PKNOX2: variants seen among roughly 807,000 people sequenced by gnomAD.
The protein encoded by PKNOX2 is PBX/knotted 1 homeobox 2, also known as homeobox protein PKNOX2.
Under a neutral mutation model 53.1 loss-of-function variants are expected in PKNOX2, and 14 were observed. The observed-to-expected ratio is 0.26, with a 90% CI of 0.17 to 0.41. PKNOX2 has a LOEUF of 0.41. PKNOX2 is among the 10% of genes least tolerant of loss of function. The pLI, the probability that PKNOX2 is intolerant of heterozygous loss-of-function variation, is 1.00. For missense variants in PKNOX2, 496 were observed against 602.8 expected, an observed-to-expected ratio of 0.82 and a Z score of 1.85; for synonymous variants, 257 against 242.8, an observed-to-expected ratio of 1.06 and a Z score of -0.54.
chr11:125,251,497 G>A (rs1204321834), intron 2 of PKNOX2, among the ~76,000 whole-genome samples: 1 of 152,130 alleles, frequency 6.6e-6, no homozygotes, highest in Non-Finnish European at 1.5e-5. Context: ...CGACAAAGAT[G>A]TCTGTGGGGT....
chr11:125,180,186 T>C (rs1477355448), intron 1 of PKNOX2, among the ~76,000 whole-genome samples: 1 of 152,196 alleles, frequency 6.6e-6, no homozygotes, highest in Admixed American at 6.5e-5. Context: ...CCCTCCAATA[T>C]CATCATCTCA....
chr11:125,328,673 C>A (rs933719774), intron 2 of PKNOX2, among the ~76,000 whole-genome samples: 1 of 152,174 alleles, frequency 6.6e-6, no homozygotes, highest in East Asian at 1.9e-4. Flanking sequence ...TCCGGGAGTG[C>A]AACATTAATT....
intron 2 of PKNOX2, among the ~76,000 whole-genome samples, chr11:125,308,734 C>T (rs1040578920): frequency 2.6e-5 from 4 of 152,146 alleles, no homozygotes; most frequent in African/African-American, 9.7e-5. Flanking sequence ...TTTCTTGTCT[C>T]CTAACAACTC....
chr11:125,177,302 C>A (rs1036453321), intron 1 of PKNOX2, among the ~76,000 whole-genome samples: 1 of 149,198 alleles, frequency 6.7e-6, no homozygotes, highest in Admixed American at 6.7e-5. Flanking sequence ...CGAGGAGAGG[C>A]AGCGGGGGAG....
chr11:125,395,379 C>A (rs926838378), intron 6 of PKNOX2, among the ~76,000 whole-genome samples: 2 of 152,190 alleles, frequency 1.3e-5, no homozygotes, highest in Non-Finnish European at 2.9e-5. Flanking sequence ...CTGCTTTGAA[C>A]AATTTGTATA....
chr11:125,195,513 T>G (rs186380016), intron 1 of PKNOX2, among the ~76,000 whole-genome samples: 1 of 152,018 alleles, frequency 6.6e-6, no homozygotes, highest in Non-Finnish European at 1.5e-5. Flanking sequence ...TCGAGGGTCC[T>G]GGTTTGTGTG....
intron 1 of PKNOX2, among the ~76,000 whole-genome samples, chr11:125,189,437 GTGTGTGTGTGTA>G (rs1272326296): frequency 5.1e-3 from 294 of 57,230 alleles, no homozygotes; most frequent in East Asian, 8.0e-3. Flanking sequence ...GTGTGTGTGT[GTGTGTGTGTGTA>G]TATATATATA....
At chr11:125,401,857 G>T (rs1954777333) in intron 7 of PKNOX2, among the ~76,000 whole-genome samples, 1 of 152,132 alleles carries the variant, frequency 6.6e-6, no homozygotes, top group South Asian at 2.1e-4. Context: ...GCCTGAAATA[G>T]CCTGAGCACC....
At chr11:125,369,549 G>A (rs1485461978) in intron 5 of PKNOX2, among the ~76,000 whole-genome samples, 4 of 152,156 alleles carry the variant, frequency 2.6e-5, no homozygotes, top group Non-Finnish European at 2.9e-5. Context: ...TCCAGGCACC[G>A]ATAGACGTAC....
intron 2 of PKNOX2, among the ~76,000 whole-genome samples, chr11:125,266,061 T>G (rs576089949): frequency 1.3e-5 from 2 of 152,282 alleles, no homozygotes; most frequent in South Asian, 4.1e-4. Flanking sequence ...TTCACCCCTA[T>G]GCACACTTAC....
chr11:125,182,179 G>T (rs113429858), intron 1 of PKNOX2, among the ~76,000 whole-genome samples: 2,071 of 152,286 alleles, frequency 0.014, 43 homozygotes, highest in African/African-American at 0.046. Flanking sequence ...GTTTGCCCAG[G>T]ATTGTAACGA....
chr11:125,275,966 T>C (rs2135817184), intron 2 of PKNOX2, among the ~76,000 whole-genome samples: 1 of 149,890 alleles, frequency 6.7e-6, no homozygotes, highest in South Asian at 2.1e-4. Context: ...AAAGGGAGAG[T>C]GAAGGGGATG....
At chr11:125,318,220 C>A (rs1248171867) in intron 2 of PKNOX2, among the ~76,000 whole-genome samples, 1 of 152,114 alleles carries the variant, frequency 6.6e-6, no homozygotes, top group Admixed American at 6.5e-5. Flanking sequence ...GATTATCCTG[C>A]CTCAGCCTCC....
intron 2 of PKNOX2, among the ~76,000 whole-genome samples, chr11:125,309,482 G>T (rs1228343993): frequency 1.3e-5 from 2 of 150,822 alleles, no homozygotes; most frequent in Admixed American, 1.3e-4. Flanking sequence ...CCACCTCCCA[G>T]GTTCAAACGA....
intron 2 of PKNOX2, among the ~76,000 whole-genome samples, chr11:125,252,301 G>C (rs917170720): frequency 6.6e-6 from 1 of 152,212 alleles, no homozygotes; most frequent in African/African-American, 2.4e-5. Flanking sequence ...TGTGGGGAAA[G>C]CTGGGGCTGG....
intron 3 of PKNOX2, among the ~76,000 whole-genome samples, chr11:125,335,830 C>T (rs1044656860): frequency 2.0e-5 from 3 of 151,944 alleles, no homozygotes. Flanking sequence ...AAAAAACAAA[C>T]AAGCAAGCAA....
chr11:125,301,467 G>A (rs753221181), intron 2 of PKNOX2, among the ~76,000 whole-genome samples: 2 of 151,796 alleles, frequency 1.3e-5, no homozygotes, highest in Non-Finnish European at 2.9e-5. Context: ...GCATCAAATC[G>A]ATATTTTTCC....
chr11:125,244,952 G>C (rs116134138), intron 2 of PKNOX2, among the ~76,000 whole-genome samples: 3 of 152,108 alleles, frequency 2.0e-5, no homozygotes, highest in Non-Finnish European at 2.9e-5. Context: ...TGGTCTCATG[G>C]GGGAGACTGG....
rs181102146 is a variant in PKNOX2 at position 125,353,499 on chromosome 11, C to T, written c.87+2107C>T. On this transcript the variant is annotated intron_variant, in intron 4 of 12. Coordinates refer to ENST00000298282, the MANE Select transcript of PKNOX2 (RefSeq NM_001382323.2). ...GGATGGATGGAGGTGGGCTGCAGCCCTAAGGTGCTCAGCCCCCCAGAAGTC... is the reference window on the plus strand; with the variant it reads ...GGATGGATGGAGGTGGGCTGCAGCCTTAAGGTGCTCAGCCCCCCAGAAGTC... 7.7e-3 allele frequency among the ~76,000 whole-genome samples: 1,178 copies of T among 152,328 alleles called. 8 individuals are homozygous for T. Among genetic ancestry groups the T allele is most frequent in the Non-Finnish European group, 0.012 (827 of 68,030 alleles).
Sources: gnomAD v4.1 joint callset for allele counts (sites outside exome capture counted in the v4.1 genomes callset) on GRCh38, gnomAD v4.1.1 for gene constraint, MANE v1.5 for transcripts, NCBI Gene and HGNC (gene_info 2026-07-23, HGNC 2026-07-21) for gene names.